HMCN2: variants seen among roughly 807,000 people sequenced by gnomAD.
HMCN2 encodes the protein hemicentin 2, also known as hemicentin-2.
A neutral mutation model predicts 377.5 loss-of-function variants in HMCN2; 325 were observed. The observed-to-expected ratio is 0.86, with a 90% CI of 0.79 to 0.94. HMCN2 has a LOEUF of 0.94. HMCN2 is among the 40% of genes least tolerant of loss of function. The probability of loss-of-function intolerance (pLI) is 0.00; values close to 1 mark genes in which losing one functional copy is unlikely to be tolerated. For synonymous variants in HMCN2, 2,007 were observed against 2,046.8 expected (o/e 0.98, Z 0.53); for missense variants, 4,543 against 4,725.3 (o/e 0.96, Z 1.13).
At chr9:130,266,733 C>T (rs1353524623) in intron 1 of HMCN2, among the ~76,000 whole-genome samples, 3 of 152,234 alleles carry the variant, frequency 2.0e-5, no homozygotes, top group African/African-American at 7.2e-5. Flanking sequence ...GCCCCGTGGC[C>T]TCCACCTGCT....
In HMCN2 at chr9:130,424,167, A is replaced by T. The variant is rs202047251; in HGVS notation, c.13382-609A>T. ...GGCTAATGTCCATATATATATATAT[A>T]TATTTTTTTTTTTTTTAATTTTTTT... On this transcript the variant is annotated intron_variant, in intron 87 of 97. Transcript: ENST00000683500. Among the ~76,000 whole-genome samples, 99 of 97,148 alleles carry T rather than the reference A, an allele frequency of 1.0e-3. 1 individual carries two copies. Among genetic ancestry groups the T allele is most frequent in the African/African-American group, 2.3e-3 (55 of 24,434 alleles). 63.7% of individuals were successfully genotyped at this position (97,148 alleles called of 152,430 possible).
chr9:130,289,692 C>T (rs1392604233), intron 4 of HMCN2, among the ~76,000 whole-genome samples: 5 of 152,162 alleles, frequency 3.3e-5, no homozygotes, highest in African/African-American at 1.2e-4. Flanking sequence ...ATGTGGAGCC[C>T]AGGATATGTC....
At chr9:130,424,171 T>TATATA (rs1844185535) in intron 87 of HMCN2, among the ~76,000 whole-genome samples, 1 of 122,854 alleles carries the variant, frequency 8.1e-6, no homozygotes. Flanking sequence ...ATATATATAT[T>TATATA]TTTTTTTTTT....
At position 130,310,018 on chromosome 9, in the gene HMCN2, T is replaced by C. The variant is rs150046483; in HGVS notation, c.2307T>C (p.Asn769=). ...GCACCTACACCTGCCGGGCTGTCAA[T>C]GAGTTGGGTGACGCCTCTGCAGAAA... ...DAGTYTCRAV[N]ELGDASAEIQ... The change falls in exon 15 of 98, where the codon AAT becomes AAC. Residue 769 remains asparagine (N), a synonymous_variant. Coordinates refer to ENST00000683500, the MANE Select transcript of HMCN2 (RefSeq NM_001291815.2). The C allele has an allele frequency of 5.6e-6, 3 of 533,978 alleles. No homozygotes were observed. The East Asian group carries it at 1.6e-4, about 29-fold the overall frequency. The allele number at this position is 533,978 out of a possible 1,614,324, so 33.1% of individuals were successfully genotyped here.
chr9:130,316,749 C>G (rs1350700119), intron 15 of HMCN2, among the ~76,000 whole-genome samples: 3 of 152,198 alleles, frequency 2.0e-5, no homozygotes, highest in Non-Finnish European at 4.4e-5. Context: ...CGCTGTCCTC[C>G]CTGGGTCACA....
intron 52 of HMCN2, 28 bp from the exon 53 acceptor site, chr9:130,377,621 T>C: frequency 1.0e-6 from 1 of 985,364 alleles, no homozygotes; most frequent in Non-Finnish European, 1.2e-6. Context: ...TGATCTCCCT[T>C]CCCCTGACCC....
chr9:130,425,933 C>A lies in HMCN2; in HGVS notation c.13879+9C>A. On this transcript the variant is annotated intron_variant, in intron 90 of 97. Coordinates refer to ENST00000683500, the MANE Select transcript of HMCN2 (RefSeq NM_001291815.2). ...TACAGCCCTGCAGGCGGGTGAGGCC[C>A]CTCTGCTTTGTTCCACCCCCACTGC... 6.5e-7 allele frequency: 1 copy of A among 1,541,334 alleles called. No homozygotes were observed. Among genetic ancestry groups the A allele is most frequent in the Non-Finnish European group, 8.8e-7 (1 of 1,142,824 alleles).
At chr9:130,399,703 C>G (rs576283470) in intron 76 of HMCN2, 71 bp downstream of exon 76, 3 of 1,131,422 alleles carry the variant, frequency 2.7e-6, no homozygotes, top group Non-Finnish European at 3.5e-6. Flanking sequence ...GGGTGCTCTC[C>G]CTGCCAGCAG....
chr9:130,410,509 C>G, intron 84 of HMCN2, 62 bp from the exon 85 acceptor site: 1 of 1,479,772 alleles, frequency 6.8e-7, no homozygotes, highest in South Asian at 1.2e-5. Context: ...CCCTACCCAA[C>G]TGTCTGAGCC....
intron 54 of HMCN2, among the ~76,000 whole-genome samples, chr9:130,381,656 C>T (rs191989696): frequency 3.9e-5 from 6 of 152,220 alleles, no homozygotes; most frequent in Admixed American, 3.3e-4. Flanking sequence ...GGATTGTAGG[C>T]GAGAGCCACT....
chr9:130,354,520 G>T (rs1245732956), intron 31 of HMCN2, among the ~76,000 whole-genome samples: 2 of 152,222 alleles, frequency 1.3e-5, no homozygotes, highest in African/African-American at 2.4e-5. Context: ...GCTTGCCGGG[G>T]TAGCAGCGGG....
intron 1 of HMCN2, among the ~76,000 whole-genome samples, chr9:130,282,669 G>A (rs1414913032): frequency 6.6e-6 from 1 of 152,324 alleles, no homozygotes; most frequent in East Asian, 1.9e-4. Context: ...AATTCTACAG[G>A]CTTTCCTTTC....
At position 130,400,820 on chromosome 9, in the gene HMCN2, C is replaced by T. The variant is rs1842827706; in HGVS notation, c.11643C>T (p.Thr3881=). Residue 3881 remains threonine, a synonymous_variant, in exon 77 of 98, where the codon ACC becomes ACT. Coordinates refer to ENST00000683500, the MANE Select transcript of HMCN2 (RefSeq NM_001291815.2). The part of the protein sequence containing the change: ...PTIADDQTDF[T]VTMMAPVVLT... ...TTGCCGATGACCAGACAGACTTCAC[C>T]GTGACCATGATGGCACCTGTGGTCC... 4.7e-6 allele frequency: 6 copies of T among 1,289,218 alleles called. No homozygotes were observed. Among genetic ancestry groups the T allele is most frequent in the South Asian group, 2.5e-5 (2 of 80,918 alleles). 79.9% of individuals were successfully genotyped at this position (1,289,218 alleles called of 1,614,324 possible).
chr9:130,358,271 A>G, intron 35 of HMCN2, 119 bp from the exon 36 acceptor site: 2 of 1,197,304 alleles, frequency 1.7e-6, no homozygotes, highest in South Asian at 2.7e-5. Context: ...CTCCAGAGCC[A>G]AAAGTGTCCC....
chr9:130,427,683 G>C (rs1844467025), intron 92 of HMCN2, 64 bp downstream of exon 92: 1 of 1,493,692 alleles, frequency 6.7e-7, no homozygotes, highest in Non-Finnish European at 8.9e-7. Context: ...GTGTGCAGAA[G>C]GGTCCCCAGG....
rs1201350966 is a variant in HMCN2 at position 130,391,968 on chromosome 9, C to T, written c.9986C>T (p.Ser3329Leu). The stretch of plus-strand genomic sequence containing the variant: ...ACCATCAAGCAGGGAGCAGACGGCT[C>T]GGGGACCCTGGTGAGCAGGCCTGGG... ...PPTIKQGADG[S>L]GTLVSRPGEL... is the part of the protein sequence containing the mutation. Residue 3329 changes from serine to leucine, a missense_variant, in exon 66 of 98, where the codon TCG becomes TTG. Transcript: ENST00000683500. 27 of 988,120 alleles carry T rather than the reference C, an allele frequency of 2.7e-5. No homozygotes were observed. The highest frequency in any genetic ancestry group is 2.8e-4 in the Middle Eastern group (1 of 3,568). 61.2% of individuals were successfully genotyped at this position (988,120 alleles called of 1,614,324 possible).
Position 130,349,659 on chromosome 9 carries a change from A to C in HMCN2, c.4426A>C (p.Arg1476=). 1.5e-6 allele frequency: 2 copies of C among 1,302,668 alleles called. No homozygotes were observed. Among genetic ancestry groups the C allele is most frequent in the Non-Finnish European group, 2.0e-6 (2 of 987,922 alleles). The allele number at this position is 1,302,668 out of a possible 1,614,324, so 80.7% of individuals were successfully genotyped here. The change falls in exon 29 of 98, where the codon AGG becomes CGG. Residue 1476 remains arginine, a synonymous_variant. Transcript: ENST00000683500. ...GCCCCAGGTGGAGTGGACCAAGGACAGGCAGTGAGTGCCCCCCTCCCCGAG... is the reference window on the plus strand; with the variant it reads ...GCCCCAGGTGGAGTGGACCAAGGACCGGCAGTGAGTGCCCCCCTCCCCGAG... The part of the protein sequence containing the change: ...PTPQVEWTKD[R]QPVLPGGPHL...
intron 45 of HMCN2, 98 bp from the exon 46 acceptor site, chr9:130,370,866 T>C (rs867115783): frequency 5.7e-6 from 4 of 696,660 alleles, no homozygotes; most frequent in African/African-American, 3.9e-5. Flanking sequence ...ACTCTCCCAA[T>C]TGGGTGGAGT....
At chr9:130,329,678 G>A (rs1838319355) in intron 22 of HMCN2, among the ~76,000 whole-genome samples, 1 of 151,984 alleles carries the variant, frequency 6.6e-6, no homozygotes, top group Non-Finnish European at 1.5e-5. Flanking sequence ...CCTGGCCTCA[G>A]GTGGTCCACC....
Sources: allele counts gnomAD v4.1 joint callset (sites outside exome capture counted in the v4.1 genomes callset), GRCh38; gene constraint gnomAD v4.1.1; transcripts MANE v1.5; gene names NCBI Gene and HGNC (gene_info 2026-07-23, HGNC 2026-07-21).